ASB1: variants seen among roughly 807,000 people sequenced by gnomAD.
The protein encoded by ASB1 is ankyrin repeat and SOCS box containing 1.
ASB1 carries 18 observed loss-of-function variants against 27.7 expected under a neutral mutation model. The observed-to-expected ratio is 0.65, with a 90% CI of 0.45 to 0.96. The LOEUF (loss-of-function observed/expected upper bound fraction) is 0.96, where lower values mean the gene tolerates loss of function less well. Ranked by LOEUF, ASB1 falls within the 50% of genes least tolerant of loss-of-function variation. The pLI is 0.00. For missense variants in ASB1, 397 were observed against 451.7 expected, an observed-to-expected ratio of 0.88 and a Z score of 1.10; for synonymous variants, 189 against 187.6, an observed-to-expected ratio of 1.01 and a Z score of -0.06.
At chr2:238,429,909 G>T (rs946758216) in intron 1 of ASB1, among the ~76,000 whole-genome samples, 3 of 146,736 alleles carry the variant, frequency 2.0e-5, no homozygotes, top group African/African-American at 5.2e-5. Flanking sequence ...CTGCACTCCA[G>T]CCTGGGCCAC....
intron 3 of ASB1, among the ~76,000 whole-genome samples, chr2:238,441,970 A>G (rs1229206465): frequency 1.3e-5 from 2 of 152,224 alleles, no homozygotes; most frequent in Non-Finnish European, 2.9e-5. Context: ...CCTGTTTCCT[A>G]AAAGCCTGGT....
chr2:238,437,056 T>TAGA (rs1316684550), intron 3 of ASB1, among the ~76,000 whole-genome samples: 2 of 152,350 alleles, frequency 1.3e-5, no homozygotes, highest in Middle Eastern at 3.4e-3. Context: ...TGTGCTTGTG[T>TAGA]AGAACCATTT....
At chr2:238,437,481 C>T (rs575935691) in intron 3 of ASB1, among the ~76,000 whole-genome samples, 8 of 152,106 alleles carry the variant, frequency 5.3e-5, no homozygotes, top group East Asian at 1.9e-4. Flanking sequence ...CCGCCCGCCT[C>T]GGCCTCCCAA....
At position 238,451,029 on chromosome 2, in the gene ASB1, ACGCTC is replaced by A. The variant is rs1702272845; in HGVS notation, c.*4520_*4524del. On this transcript the variant is annotated 3_prime_UTR_variant, in exon 5 of 5. Coordinates refer to ENST00000264607, the MANE Select transcript of ASB1 (RefSeq NM_001040445.3). ...ACCCGAACCTCTCAGTGTGGAATGA[ACGCTC>A]CAAACCCGAACCTCTCAGTGTGGAA... is the stretch of plus-strand genomic sequence containing the variant. 4.1e-5 allele frequency: 2 copies of A among 48,842 alleles called. No homozygotes were observed. Among genetic ancestry groups the A allele is most frequent in the South Asian group, 6.9e-4 (1 of 1,452 alleles). 3.0% of individuals were successfully genotyped at this position (48,842 alleles called of 1,614,324 possible).
At chr2:238,434,759 G>A (rs1031138234) in intron 2 of ASB1, among the ~76,000 whole-genome samples, 3 of 152,300 alleles carry the variant, frequency 2.0e-5, no homozygotes, top group African/African-American at 7.2e-5. Context: ...AATAGAGTTC[G>A]GTGAGGTCTC....
chr2:238,433,909 G>A (rs1445573789), intron 2 of ASB1, among the ~76,000 whole-genome samples: 2 of 152,190 alleles, frequency 1.3e-5, no homozygotes, highest in Non-Finnish European at 2.9e-5. Context: ...TTCAGGTCCT[G>A]CTCTGCCATT....
At chr2:238,441,588 T>C (rs553838459) in intron 3 of ASB1, among the ~76,000 whole-genome samples, 2 of 152,308 alleles carry the variant, frequency 1.3e-5, no homozygotes, top group South Asian at 4.1e-4. Flanking sequence ...CTGTACACTT[T>C]CACTGTGCTG....
At chr2:238,439,078 C>A (rs541568936) in intron 3 of ASB1, among the ~76,000 whole-genome samples, 3 of 152,282 alleles carry the variant, frequency 2.0e-5, no homozygotes, top group Admixed American at 6.5e-5. Context: ...GGAAGATTTT[C>A]CCTAAGAATA....
intron 3 of ASB1, among the ~76,000 whole-genome samples, chr2:238,436,773 TC>T (rs994589983): frequency 4.2e-5 from 6 of 141,730 alleles, no homozygotes; most frequent in African/African-American, 1.2e-4. Context: ...ACTCTCTCTC[TC>T]TTTTTTTTTT....
At chr2:238,440,600 C>T (rs932191972) in intron 3 of ASB1, among the ~76,000 whole-genome samples, 5 of 152,320 alleles carry the variant, frequency 3.3e-5, no homozygotes, top group East Asian at 1.9e-4. Context: ...GTGGCCTTCT[C>T]ACCTTGTCAG....
intron 1 of ASB1, among the ~76,000 whole-genome samples, chr2:238,432,091 G>T (rs563797783): frequency 6.6e-6 from 1 of 152,108 alleles, no homozygotes; most frequent in African/African-American, 2.4e-5. Context: ...GAAGGCTGCC[G>T]GTATTAGGTT....
At chr2:238,428,735 C>A (rs1290317812) in intron 1 of ASB1, among the ~76,000 whole-genome samples, 2 of 152,164 alleles carry the variant, frequency 1.3e-5, no homozygotes, top group African/African-American at 4.8e-5. Context: ...AGTAGTTGAT[C>A]AGCGAAACAC....
At chr2:238,427,277 C>G (rs1406042395) in intron 1 of ASB1, 158 bp downstream of exon 1, 6 of 470,798 alleles carry the variant, frequency 1.3e-5, no homozygotes, top group Non-Finnish European at 2.0e-5. Context: ...GGGTTCAGCG[C>G]GGCTCGCAGT....
At chr2:238,437,241 A>AT (rs1246291413) in intron 3 of ASB1, among the ~76,000 whole-genome samples, 7 of 148,868 alleles carry the variant, frequency 4.7e-5, no homozygotes, top group East Asian at 2.0e-4. Context: ...ATTTTATTTT[A>AT]TTTTTTTTGA....
At chr2:238,432,793 T>C (rs1701895997) in intron 1 of ASB1, among the ~76,000 whole-genome samples, 1 of 151,886 alleles carries the variant, frequency 6.6e-6, no homozygotes. Flanking sequence ...GTCGCCAGGC[T>C]CTGGAGTGCA....
intron 3 of ASB1, among the ~76,000 whole-genome samples, chr2:238,444,113 A>C (rs941865406): frequency 6.6e-6 from 1 of 152,202 alleles, no homozygotes. Context: ...AATGGTTTGA[A>C]GGACTTCCCT....
rs1354244720 is a variant in ASB1 at position 238,448,267 on chromosome 2, A to T, written c.*1756A>T. 1 of 152,442 alleles carries T rather than the reference A, an allele frequency of 6.6e-6. No homozygotes were observed. Among genetic ancestry groups the T allele is most frequent in the Non-Finnish European group, 1.5e-5 (1 of 68,232 alleles). 9.4% of individuals were successfully genotyped at this position (152,442 alleles called of 1,614,324 possible). On this transcript the variant is annotated 3_prime_UTR_variant, in exon 5 of 5. Coordinates refer to ENST00000264607, the MANE Select transcript of ASB1 (RefSeq NM_001040445.3). ...GGTGGGCGTGTTCTTTGTGGTACCA[A>T]AGTGGGACTAGGACAAAAATTGGGC...
Position 238,451,657 on chromosome 2 carries a change from G to A in ASB1, c.*5146G>A, listed in dbSNP as rs2106414149. ...CGGGACCGTGACTGTTTCTGCCCTT[G>A]TGCCTAGTTAAGAGCCTTCAAAAGC... On this transcript the variant is annotated 3_prime_UTR_variant, in exon 5 of 5. Coordinates refer to ENST00000264607, the MANE Select transcript of ASB1 (RefSeq NM_001040445.3). The A allele has an allele frequency of 6.5e-6, 1 of 152,738 alleles. No individual in the cohort carries two copies. The highest frequency in any genetic ancestry group is 2.1e-4 in the South Asian group (1 of 4,824). 9.5% of individuals were successfully genotyped at this position (152,738 alleles called of 1,614,324 possible).
Position 238,446,508 on chromosome 2 carries a change from G to A in ASB1, c.1005G>A (p.Glu335=), listed in dbSNP as rs2106411408. The A allele has an allele frequency of 6.2e-7, 1 of 1,613,920 alleles. No individual in the cohort carries two copies. The highest frequency in any genetic ancestry group is 2.2e-5 in the East Asian group (1 of 44,870). ...PDPIKKFLLH[E] Reference sequence around the variant, plus strand: ...CCATAAAGAAGTTTCTACTCCATGAGTAGACTCCAAGTGCTGCGGTTGATT... The same window carrying A: ...CCATAAAGAAGTTTCTACTCCATGAATAGACTCCAAGTGCTGCGGTTGATT... Residue 335 remains glutamate (E), a synonymous_variant, in exon 5 of 5, where the codon GAG becomes GAA. Transcript: ENST00000264607.
Sources: gnomAD v4.1 joint callset for allele counts (sites outside exome capture counted in the v4.1 genomes callset) on GRCh38, gnomAD v4.1.1 for gene constraint, MANE v1.5 for transcripts, NCBI Gene and HGNC (gene_info 2026-07-23, HGNC 2026-07-21) for gene names.